BATF: variants seen among roughly 807,000 people sequenced by gnomAD.
BATF encodes the protein basic leucine zipper transcriptional factor ATF-like.
BATF carries 5 observed loss-of-function variants against 13.7 expected under a neutral mutation model. That is an observed-to-expected ratio of 0.36 (90% CI 0.19 to 0.77). The LOEUF (loss-of-function observed/expected upper bound fraction) is 0.77, where lower values mean the gene tolerates loss of function less well. Ranked by LOEUF, BATF falls within the 30% of genes least tolerant of loss-of-function variation. The probability of loss-of-function intolerance (pLI) is 0.51; values close to 1 mark genes in which losing one functional copy is unlikely to be tolerated. For missense variants in BATF, 124 were observed against 163.0 expected (o/e 0.76, Z 1.30); for synonymous variants, 72 against 67.5 (o/e 1.07, Z -0.33).
At chr14:75,532,349 G>C (rs1350864422) in intron 2 of BATF, among the ~76,000 whole-genome samples, 1 of 152,038 alleles carries the variant, frequency 6.6e-6, no homozygotes, top group East Asian at 1.9e-4. Context: ...CATCAGGCGT[G>C]ATCAAGAAAG....
At chr14:75,543,720 A>T (rs1268913297) in intron 2 of BATF, among the ~76,000 whole-genome samples, 1 of 151,822 alleles carries the variant, frequency 6.6e-6, no homozygotes, top group Non-Finnish European at 1.5e-5. Flanking sequence ...GGTCTCAATA[A>T]TGTTGCACAG....
chr14:75,535,071 A>G (rs543683625), intron 2 of BATF, among the ~76,000 whole-genome samples: 2 of 152,306 alleles, frequency 1.3e-5, no homozygotes, highest in African/African-American at 4.8e-5. Flanking sequence ...CAAAATACAA[A>G]TTGTATGTGT....
rs1422008180 is a variant in BATF at position 75,532,891 on chromosome 14, G to A, written c.168+7703G>A. 3.9e-5 allele frequency among the ~76,000 whole-genome samples: 6 copies of A among 152,268 alleles called. No homozygotes were observed. The East Asian group carries it at 5.8e-4, about 15-fold the overall frequency. On this transcript the variant is annotated intron_variant, in intron 2 of 2. Coordinates refer to ENST00000286639, the MANE Select transcript of BATF (RefSeq NM_006399.5). ...TGGTCGCATGCATAAAGAGATATCC[G>A]GAAGGATATTCTCCAAAATGCTAAT...
intron 2 of BATF, among the ~76,000 whole-genome samples, chr14:75,538,197 G>A (rs1887844454): frequency 6.6e-6 from 1 of 152,124 alleles, no homozygotes; most frequent in Admixed American, 6.5e-5. Context: ...GGGCTCAAAT[G>A]ACCCTCCTGC....
At chr14:75,527,325 G>A (rs187755074) in intron 2 of BATF, among the ~76,000 whole-genome samples, 60 of 152,190 alleles carry the variant, frequency 3.9e-4, no homozygotes, top group African/African-American at 1.3e-3. Flanking sequence ...AGGGTTGAAA[G>A]GTTTCTTAAA....
At position 75,546,857 on chromosome 14, in the gene BATF, G is replaced by C; in HGVS notation, c.*186G>C. The C allele has an allele frequency of 2.4e-6, 2 of 843,692 alleles. No homozygotes were observed. The highest frequency in any genetic ancestry group is 1.7e-5 in the African/African-American group (1 of 59,744). The allele number at this position is 843,692 out of a possible 1,614,324, so 52.3% of individuals were successfully genotyped here. A position where few individuals can be genotyped will look rare whatever the true frequency, so the allele number is the denominator to read the frequency against. ...CCCAGCAGTGCCGCAGCGTTTCGAG[G>C]GGCGTGTGCTGGACCCCACCACTGT... On this transcript the variant is annotated 3_prime_UTR_variant, in exon 3 of 3. Coordinates refer to ENST00000286639, the MANE Select transcript of BATF (RefSeq NM_006399.5).
chr14:75,526,399 G>A (rs1887655166), intron 2 of BATF, among the ~76,000 whole-genome samples: 1 of 152,132 alleles, frequency 6.6e-6, no homozygotes, highest in East Asian at 1.9e-4. Context: ...TGGAAAAAGT[G>A]CAATTGGCAC....
intron 2 of BATF, among the ~76,000 whole-genome samples, chr14:75,546,063 C>A (rs1393016996): frequency 6.6e-6 from 1 of 151,558 alleles, no homozygotes; most frequent in African/African-American, 2.4e-5. Flanking sequence ...GGTTTTGCCA[C>A]GTTGCCCAGG....
At chr14:75,528,548 G>A (rs145625155) in intron 2 of BATF, among the ~76,000 whole-genome samples, 11 of 152,288 alleles carry the variant, frequency 7.2e-5, no homozygotes, top group African/African-American at 2.2e-4. Flanking sequence ...GATTCCTTTC[G>A]TAATTGTGAC....
At chr14:75,533,932 AGCTTTACTAG>A (rs1244944963) in intron 2 of BATF, among the ~76,000 whole-genome samples, 3 of 152,114 alleles carry the variant, frequency 2.0e-5, no homozygotes, top group Non-Finnish European at 4.4e-5. Context: ...TGCTGAACAG[AGCTTTACTAG>A]GCAGGTGTTT....
chr14:75,546,397 C>T (rs1887986059), intron 2 of BATF, 65 bp from the exon 3 acceptor site: 21 of 1,558,194 alleles, frequency 1.3e-5, no homozygotes, highest in Non-Finnish European at 1.8e-5. Flanking sequence ...TGTGTCCCTC[C>T]GCACCCCACC....
intron 2 of BATF, among the ~76,000 whole-genome samples, chr14:75,539,506 T>C (rs527602155): frequency 4.0e-4 from 57 of 143,822 alleles, no homozygotes; most frequent in Admixed American, 6.6e-4. Context: ...GGGTTTGGGA[T>C]GGACGCTGAA....
Position 75,528,996 on chromosome 14 carries a change from T to C in BATF, c.168+3808T>C, listed in dbSNP as rs149055686. On this transcript the variant is annotated intron_variant, in intron 2 of 2. Transcript: ENST00000286639. ...AAAGATTCAAATAATTGGAAAGATA[T>C]ACCTTATGTAAAGTTAGCAATTTTC... Among the ~76,000 whole-genome samples, 1,264 of 152,308 alleles carry C rather than the reference T, an allele frequency of 8.3e-3. 10 individuals carry two copies. Among genetic ancestry groups the C allele is most frequent in the Middle Eastern group, 0.021 (6 of 292 alleles).
intron 2 of BATF, among the ~76,000 whole-genome samples, chr14:75,530,243 T>A (rs561145007): frequency 2.0e-5 from 3 of 152,300 alleles, no homozygotes; most frequent in African/African-American, 7.2e-5. Flanking sequence ...ATACACGATG[T>A]TGCCAAGGTA....
At chr14:75,537,609 C>T (rs146981436) in intron 2 of BATF, among the ~76,000 whole-genome samples, 51 of 152,238 alleles carry the variant, frequency 3.4e-4, no homozygotes, top group African/African-American at 7.9e-4. Context: ...TAATGAAACA[C>T]GAATAGATCC....
intron 2 of BATF, among the ~76,000 whole-genome samples, chr14:75,527,834 C>A (rs1012102732): frequency 6.6e-6 from 1 of 152,220 alleles, no homozygotes; most frequent in Non-Finnish European, 1.5e-5. Flanking sequence ...ACCACAGCAT[C>A]GTCTTTACCT....
intron 1 of BATF, 89 bp downstream of exon 1, chr14:75,522,834 G>A (rs1887592728): frequency 6.5e-7 from 1 of 1,530,090 alleles, no homozygotes. Flanking sequence ...CCAGGGAGCT[G>A]AGGATGGAGG....
Position 75,546,154 on chromosome 14 carries a change from G to A in BATF, c.169-308G>A, listed in dbSNP as rs370021354. ...TAGGATTACAGGGGTAAGCCACCGC[G>A]CCCGGCCTGAAATTGCTATTCTTAT... On this transcript the variant is annotated intron_variant, in intron 2 of 2. Coordinates refer to ENST00000286639, the MANE Select transcript of BATF (RefSeq NM_006399.5). Among the ~76,000 whole-genome samples the A allele has an allele frequency of 1.2e-4, 19 of 152,228 alleles. No homozygotes were observed. The East Asian group carries it at 3.5e-3, about 28-fold the overall frequency.
At position 75,546,969 on chromosome 14, in the gene BATF, TCTAAA is replaced by T. The variant is rs1175409460; in HGVS notation, c.*299_*303del. 2 of 702,622 alleles carry T rather than the reference TCTAAA, an allele frequency of 2.8e-6. No individual in the cohort carries two copies. The highest frequency in any genetic ancestry group is 2.6e-6 in the Non-Finnish European group (1 of 385,060). The allele number at this position is 702,622 out of a possible 1,614,324, so 43.5% of individuals were successfully genotyped here. On this transcript the variant is annotated 3_prime_UTR_variant, in exon 3 of 3. Transcript: ENST00000286639. Reference sequence around the variant, plus strand: ...AAGGCGGGCAGGGAACGGTTATTTTTCTAAATAAATGCTTTAAAAGAAACCAGTCT... The same window carrying T: ...AAGGCGGGCAGGGAACGGTTATTTTTTAAATGCTTTAAAAGAAACCAGTCT...
Sources: gnomAD v4.1 joint callset for allele counts (sites outside exome capture counted in the v4.1 genomes callset) on GRCh38, gnomAD v4.1.1 for gene constraint, MANE v1.5 for transcripts, NCBI Gene and HGNC (gene_info 2026-07-23, HGNC 2026-07-21) for gene names.